The following CACNA1H variants were observed in gnomAD, a reference collection of about 807,000 sequenced individuals.
CACNA1H encodes calcium voltage-gated channel subunit alpha1 H, also known as voltage-dependent T-type calcium channel subunit alpha-1H.
Under a neutral mutation model 192.5 loss-of-function variants are expected in CACNA1H, and 149 were observed. The ratio of observed to expected loss-of-function variants is 0.77; its 90% CI spans 0.68 to 0.89. The LOEUF is 0.89. Among genes scored for constraint, CACNA1H ranks in the 40% least tolerant of loss-of-function variants. The probability of loss-of-function intolerance (pLI) is 0.00; values close to 1 mark genes in which losing one functional copy is unlikely to be tolerated. For synonymous variants in CACNA1H, 2,202 were observed against 1,475.2 expected (o/e 1.49, Z -11.29); for missense variants, 4,257 against 3,423.5 (o/e 1.24, Z -6.08).
rs781368553 is a variant in CACNA1H at position 1,207,346 on chromosome 16, C to T, written c.2979C>T (p.Leu993=). 6.2e-7 allele frequency: 1 copy of T among 1,612,858 alleles called. No individual in the cohort carries two copies. Among genetic ancestry groups the T allele is most frequent in the South Asian group, 1.1e-5 (1 of 90,908 alleles). ...CCTCCACCTCCTCCTGGGCCGCCCT[C>T]TACTTCGTGGCCCTCATGACCTTCG... ...GMASTSSWAA[L]YFVALMTFGN... is the part of the protein sequence containing the mutation. The change falls in exon 14 of 35, where the codon CTC becomes CTT. Residue 993 remains leucine (L), a synonymous_variant. Transcript: ENST00000348261.
rs763021352 is a variant in CACNA1H, at chr16:1,211,518, A to T, written c.4388A>T (p.Asp1463Val). 2 of 1,612,426 alleles carry T rather than the reference A, an allele frequency of 1.2e-6. No individual in the cohort carries two copies. Among genetic ancestry groups the T allele is most frequent in the East Asian group, 2.2e-5 (1 of 44,856 alleles). ...AAGTTCTACTACTGCGAGGGCCCCG[A>T]CACCAGGAACATCTCCACCAAGGCA... ...KGKFYYCEGPDTRNISTKAQC... is the reference protein window; with the variant it reads ...KGKFYYCEGPVTRNISTKAQC... The change falls in exon 23 of 35, where the codon GAC becomes GTC. Residue 1463 changes from aspartate (D) to valine (V), a missense_variant. By Grantham distance (152) the Asp-to-Val change is radical. Coordinates refer to ENST00000348261, the MANE Select transcript of CACNA1H (RefSeq NM_021098.3).
chr16:1,165,292 G>A (rs529888344), intron 2 of CACNA1H, among the ~76,000 whole-genome samples: 5 of 152,328 alleles, frequency 3.3e-5, no homozygotes, highest in South Asian at 2.1e-4. Flanking sequence ...CGGGCCTGGG[G>A]GCAAAGGCTC....
At position 1,202,509 on chromosome 16, in the gene CACNA1H, G is replaced by A. The variant is rs1968084270; in HGVS notation, c.2002+57G>A. The A allele has an allele frequency of 1.1e-5, 15 of 1,408,016 alleles. No individual in the cohort carries two copies. In the Admixed American group the frequency reaches 1.1e-4, roughly 10 times the overall value. The allele number at this position is 1,408,016 out of a possible 1,614,324, so 87.2% of individuals were successfully genotyped here. On this transcript the variant is annotated intron_variant, in intron 9 of 34. Transcript: ENST00000348261. ...CGGTGGGACCTAGGCAGGGCGGGCA[G>A]GGTCTCCGGTGTGTCATTCCCACAC... is the stretch of plus-strand genomic sequence containing the variant.
At chr16:1,191,728 T>C (rs1489955865) in intron 2 of CACNA1H, among the ~76,000 whole-genome samples, 2 of 93,154 alleles carry the variant, frequency 2.1e-5, no homozygotes, top group African/African-American at 8.9e-5. Context: ...CCCAGTAGGC[T>C]GGCCTGGCTG....
At position 1,220,555 on chromosome 16, in the gene CACNA1H, C is replaced by T. The variant is rs777217625; in HGVS notation, c.6623C>T (p.Ala2208Val). ...AEDEGSARPS[A>V]AEGGSTTLRR... ...GACGAGGGCTCTGCGCGGCCCTCCG[C>T]GGCAGAGGGCGGCAGCACCACACTG... The change falls in exon 35 of 35, where the codon GCG (alanine) becomes GTG (valine). Residue 2208 changes from alanine to valine, a missense_variant. Coordinates refer to ENST00000348261, the MANE Select transcript of CACNA1H (RefSeq NM_021098.3). 4.9e-4 allele frequency: 746 copies of T among 1,530,194 alleles called. 2 individuals are homozygous for T. The highest frequency in any genetic ancestry group is 5.9e-4 in the Non-Finnish European group (679 of 1,145,212). The allele number at this position is 1,530,194 out of a possible 1,614,324, so 94.8% of individuals were successfully genotyped here. A position where few individuals can be genotyped will look rare whatever the true frequency, so the allele number is the denominator to read the frequency against.
At chr16:1,168,478 A>C (rs529925529) in intron 2 of CACNA1H, among the ~76,000 whole-genome samples, 1 of 151,556 alleles carries the variant, frequency 6.6e-6, no homozygotes, top group South Asian at 2.1e-4. Context: ...GCTCTGGGGG[A>C]CCCTCCAGCT....
intron 2 of CACNA1H, among the ~76,000 whole-genome samples, chr16:1,170,000 C>T (rs1162645244): frequency 6.6e-6 from 1 of 152,214 alleles, no homozygotes; most frequent in African/African-American, 2.4e-5. Context: ...CTAATTTAGA[C>T]TGTTTATGTG....
At chr16:1,213,338 T>A (rs1969678530) in intron 26 of CACNA1H, among the ~76,000 whole-genome samples, 1 of 151,478 alleles carries the variant, frequency 6.6e-6, no homozygotes, top group Non-Finnish European at 1.5e-5. Flanking sequence ...AGGCAAGGAG[T>A]AGACCACAGA....
chr16:1,203,881 A>T, intron 9 of CACNA1H, 129 bp from the exon 10 acceptor site: 1 of 645,344 alleles, frequency 1.5e-6, no homozygotes, highest in Non-Finnish European at 2.6e-6. Flanking sequence ...CAGGTTCTGG[A>T]GGTTGGACTC....
intron 34 of CACNA1H, among the ~76,000 whole-genome samples, chr16:1,219,693 A>G (rs1970326128): frequency 6.6e-6 from 1 of 152,174 alleles, no homozygotes; most frequent in Non-Finnish European, 1.5e-5. Context: ...GCTGATGTCC[A>G]GGGGTGGGGA....
chr16:1,201,804 G>C lies in CACNA1H; in HGVS notation c.1354G>C (p.Glu452Gln). 1 of 1,590,290 alleles carries C rather than the reference G, an allele frequency of 6.3e-7. No individual in the cohort carries two copies. Among genetic ancestry groups the C allele is most frequent in the Non-Finnish European group, 8.6e-7 (1 of 1,169,368 alleles). ...SNDSTLASFS[E>Q]PGSCYEELLK... ...CGACAGCACGCTGGCCAGCTTCTCCGAGCCTGGCAGCTGCTACGAAGAGCT... is the reference window on the plus strand; with the variant it reads ...CGACAGCACGCTGGCCAGCTTCTCCCAGCCTGGCAGCTGCTACGAAGAGCT... The change falls in exon 9 of 35, where the codon GAG (glutamate) becomes CAG (glutamine). Residue 452 changes from glutamate (E) to glutamine (Q), a missense_variant. Transcript: ENST00000348261.
Position 1,185,433 on chromosome 16 carries a change from C to G in CACNA1H, c.300-9539C>G, listed in dbSNP as rs1045603928. Among the ~76,000 whole-genome samples, 9 of 151,674 alleles carry G rather than the reference C, an allele frequency of 5.9e-5. No homozygotes were observed. The East Asian group carries it at 1.4e-3, about 23-fold the overall frequency. ...GACGTGCCCGGGTGGCAGCTGGACT[C>G]CTGGACGGTGTCTGTGGGTCCTGCC... On this transcript the variant is annotated intron_variant, in intron 2 of 34. Coordinates refer to ENST00000348261, the MANE Select transcript of CACNA1H (RefSeq NM_021098.3).
At chr16:1,215,788 C>T (rs919744137) in intron 30 of CACNA1H, among the ~76,000 whole-genome samples, 195 bp downstream of exon 30, 6 of 152,176 alleles carry the variant, frequency 3.9e-5, no homozygotes, top group Non-Finnish European at 7.4e-5. Flanking sequence ...TGCCCTCTGG[C>T]CTCAATCCTC....
At chr16:1,155,013 G>C (rs768458328) in intron 2 of CACNA1H, among the ~76,000 whole-genome samples, 2 of 151,898 alleles carry the variant, frequency 1.3e-5, no homozygotes, top group African/African-American at 2.4e-5. Flanking sequence ...GACCCTGCCC[G>C]CAGACGTCCC....
chr16:1,154,738 C>T (rs1313511686), intron 2 of CACNA1H, among the ~76,000 whole-genome samples: 3 of 152,186 alleles, frequency 2.0e-5, no homozygotes, highest in East Asian at 1.9e-4. Flanking sequence ...GAAGAGGCAG[C>T]CTCTTCTACT....
chr16:1,211,952 C>T lies in CACNA1H; in HGVS notation c.4573C>T (p.Gln1525Ter). 1 of 1,613,348 alleles carries T rather than the reference C, an allele frequency of 6.2e-7. No homozygotes were observed. Among genetic ancestry groups the T allele is most frequent in the Non-Finnish European group, 8.5e-7 (1 of 1,179,662 alleles). Residue 1525 changes from glutamine (Q) to a stop codon, truncating the protein, a stop_gained, in exon 25 of 35, where the codon CAG becomes TAG. Transcript: ENST00000348261. LOFTEE classifies it high-confidence loss of function. Reference sequence around the variant, plus strand: ...CACCGCCTCTGTGCCACAGCCTGTGCAGAACCACAACCCCTGGATGCTGCT... The same window carrying T: ...CACCGCCTCTGTGCCACAGCCTGTGTAGAACCACAACCCCTGGATGCTGCT... ...DAVGVDQQPV[Q>*]NHNPWMLLYF...
intron 2 of CACNA1H, among the ~76,000 whole-genome samples, chr16:1,165,220 G>T (rs1049122362): frequency 1.1e-4 from 17 of 152,262 alleles, no homozygotes; most frequent in Non-Finnish European, 2.4e-4. Context: ...AGCACACGAG[G>T]CACAGGCCCC....
In CACNA1H at chr16:1,207,126, C is replaced by T; in HGVS notation, c.2907+8C>T. 6.4e-7 allele frequency: 1 copy of T among 1,574,730 alleles called. No individual in the cohort carries two copies. Among genetic ancestry groups the T allele is most frequent in the Non-Finnish European group, 8.6e-7 (1 of 1,159,234 alleles). The stretch of plus-strand genomic sequence containing the variant: ...ATCGTCACCGTGTTCCAGGTAGTGC[C>T]CGGGGTCCCCGCAGCAGTGTTGGGT... On this transcript the variant is annotated splice_region_variant and intron_variant, in intron 13 of 34. Transcript: ENST00000348261.
chr16:1,161,914 A>G (rs1013991058), intron 2 of CACNA1H, among the ~76,000 whole-genome samples: 4 of 152,222 alleles, frequency 2.6e-5, no homozygotes, highest in Admixed American at 2.6e-4. Flanking sequence ...AGCTGCAGGC[A>G]AGGCTCGGGG....
Sources: allele counts gnomAD v4.1 joint callset (sites outside exome capture counted in the v4.1 genomes callset), GRCh38; gene constraint gnomAD v4.1.1; transcripts MANE v1.5; gene names NCBI Gene and HGNC (gene_info 2026-07-23, HGNC 2026-07-21).